GSG1L: variants seen among roughly 807,000 people sequenced by gnomAD.
GSG1L encodes GSG1 like, also known as germ cell-specific gene 1-like protein.
A neutral mutation model predicts 42.1 loss-of-function variants in GSG1L; 24 were observed. The ratio of observed to expected loss-of-function variants is 0.57; its 90% confidence interval spans 0.41 to 0.80. The LOEUF (loss-of-function observed/expected upper bound fraction) is 0.80, where lower values mean the gene tolerates loss of function less well. GSG1L is among the 30% of genes least tolerant of loss of function. GSG1L has a pLI of 0.00. For missense variants in GSG1L, 445 were observed against 472.2 expected, an observed-to-expected ratio of 0.94 and a Z score of 0.53; for synonymous variants, 215 against 203.5, an observed-to-expected ratio of 1.06 and a Z score of -0.48.
At chr16:28,033,539 G>A (rs918431579) in intron 1 of GSG1L, among the ~76,000 whole-genome samples, 16 of 151,928 alleles carry the variant, frequency 1.1e-4, no homozygotes, top group Admixed American at 9.8e-4. Flanking sequence ...AGGGGAGGAG[G>A]AAAGGAGGGG....
intron 1 of GSG1L, among the ~76,000 whole-genome samples, chr16:28,031,401 A>G (rs1355066301): frequency 7.8e-6 from 1 of 128,420 alleles, no homozygotes; most frequent in African/African-American, 3.0e-5. Flanking sequence ...GAGATGGGAT[A>G]GGTTGGGATG....
intron 4 of GSG1L, among the ~76,000 whole-genome samples, chr16:27,841,828 A>G (rs756602169): frequency 8.5e-5 from 13 of 152,148 alleles, no homozygotes; most frequent in Non-Finnish European, 1.9e-4. Context: ...GCTTCCAGGG[A>G]AAGAATGTTC....
In GSG1L at chr16:27,964,387, G is replaced by A. The variant is rs117099411; in HGVS notation, c.350-1184C>T. On this transcript the variant is annotated intron_variant, in intron 1 of 6. Transcript: ENST00000447459. ...CACATTGAGGCATTGGTGGGCCTTC[G>A]GCCATTTTGCCTTGATGAGCCCCTT... Among the ~76,000 whole-genome samples, 240 of 151,730 alleles carry A rather than the reference G, an allele frequency of 1.6e-3. 1 individual carries two copies. The highest frequency in any genetic ancestry group is 3.1e-3 in the South Asian group (15 of 4,796).
At chr16:27,869,813 A>ATC (rs574282502) in intron 3 of GSG1L, among the ~76,000 whole-genome samples, 4 of 36,824 alleles carry the variant, frequency 1.1e-4, no homozygotes, top group Admixed American at 6.1e-4. Flanking sequence ...GTCTCCCTCC[A>ATC]TCTCTCTCTC....
At chr16:27,981,488 C>T (rs1648309524) in intron 1 of GSG1L, among the ~76,000 whole-genome samples, 1 of 152,204 alleles carries the variant, frequency 6.6e-6, no homozygotes, top group African/African-American at 2.4e-5. Flanking sequence ...GGGCTGGCGG[C>T]AGAGCCTTGG....
At chr16:28,029,799 T>C (rs1487213116) in intron 1 of GSG1L, among the ~76,000 whole-genome samples, 2 of 152,218 alleles carry the variant, frequency 1.3e-5, no homozygotes, top group Non-Finnish European at 2.9e-5. Flanking sequence ...GATGCAACTC[T>C]TGCTGAGTCA....
At chr16:27,989,421 G>A (rs1407094459) in intron 1 of GSG1L, among the ~76,000 whole-genome samples, 1 of 152,156 alleles carries the variant, frequency 6.6e-6, no homozygotes, top group East Asian at 1.9e-4. Context: ...GGCCAAGAGA[G>A]ATATACTAGG....
chr16:27,849,963 G>A (rs1300042627), intron 3 of GSG1L, among the ~76,000 whole-genome samples: 2 of 150,782 alleles, frequency 1.3e-5, no homozygotes, highest in Non-Finnish European at 1.5e-5. Flanking sequence ...TGAAGAAGAT[G>A]AAGGGAGGAA....
At chr16:27,975,777 A>T (rs528793238) in intron 1 of GSG1L, among the ~76,000 whole-genome samples, 1 of 152,220 alleles carries the variant, frequency 6.6e-6, no homozygotes, top group Non-Finnish European at 1.5e-5. Flanking sequence ...TCAACGTTTT[A>T]TATTCACACA....
intron 1 of GSG1L, among the ~76,000 whole-genome samples, chr16:27,980,741 G>A (rs976430976): frequency 1.3e-5 from 2 of 152,012 alleles, no homozygotes; most frequent in Non-Finnish European, 2.9e-5. Context: ...AATTAGCCAG[G>A]CACGATGGCA....
intron 2 of GSG1L, among the ~76,000 whole-genome samples, chr16:27,913,136 C>T (rs1367436974): frequency 2.0e-5 from 3 of 151,950 alleles, no homozygotes; most frequent in Admixed American, 6.6e-5. Flanking sequence ...GTGGAGGAAT[C>T]TTAAGAACAT....
At chr16:27,939,587 A>AGT (rs1268467643) in intron 2 of GSG1L, among the ~76,000 whole-genome samples, 2 of 152,172 alleles carry the variant, frequency 1.3e-5, no homozygotes, top group Non-Finnish European at 2.9e-5. Context: ...CCAGAACAGG[A>AGT]CTTCTGAGTT....
At chr16:28,047,383 T>C (rs1596730260) in intron 1 of GSG1L, among the ~76,000 whole-genome samples, 1 of 151,710 alleles carries the variant, frequency 6.6e-6, no homozygotes, top group East Asian at 1.9e-4. Flanking sequence ...CAAAACCTAA[T>C]CTATATAGTA....
At chr16:27,851,233 G>C (rs2083511382) in intron 3 of GSG1L, among the ~76,000 whole-genome samples, 1 of 152,182 alleles carries the variant, frequency 6.6e-6, no homozygotes, top group Non-Finnish European at 1.5e-5. Flanking sequence ...GTCTCGCTCT[G>C]TTGCCCGGGC....
chr16:27,918,484 C>A (rs190277959), intron 2 of GSG1L, among the ~76,000 whole-genome samples: 1 of 151,850 alleles, frequency 6.6e-6, no homozygotes, highest in South Asian at 2.1e-4. Context: ...GTGGCAAAAC[C>A]CTGTCTATAC....
chr16:27,858,560 T>C (rs910533459), intron 3 of GSG1L, among the ~76,000 whole-genome samples: 1 of 152,188 alleles, frequency 6.6e-6, no homozygotes, highest in African/African-American at 2.4e-5. Flanking sequence ...GCTGTCTTCA[T>C]GGTTTAGGAA....
chr16:27,848,936 C>T (rs2083473812), intron 3 of GSG1L, among the ~76,000 whole-genome samples: 1 of 152,044 alleles, frequency 6.6e-6, no homozygotes, highest in African/African-American at 2.4e-5. Context: ...TGGCTCACGC[C>T]TGTAATCCCA....
chr16:27,863,050 T>C (rs1163853976), intron 3 of GSG1L, among the ~76,000 whole-genome samples: 1 of 152,166 alleles, frequency 6.6e-6, no homozygotes, highest in East Asian at 1.9e-4. Context: ...GAGATGTCTG[T>C]GTGTATGTTA....
At chr16:27,875,410 C>T (rs984192855) in intron 3 of GSG1L, among the ~76,000 whole-genome samples, 19 of 152,124 alleles carry the variant, frequency 1.2e-4, no homozygotes, top group Non-Finnish European at 2.2e-4. Context: ...ACTCTCCCAC[C>T]GTACTTGCTA....
Sources: gnomAD v4.1 joint callset for allele counts (sites outside exome capture counted in the v4.1 genomes callset) on GRCh38, gnomAD v4.1.1 for gene constraint, MANE v1.5 for transcripts, NCBI Gene and HGNC (gene_info 2026-07-23, HGNC 2026-07-21) for gene names.